TMEM132C: variants seen among roughly 807,000 people sequenced by gnomAD.
TMEM132C encodes protein phosphatase 1, regulatory subunit 152.
In TMEM132C, 29 loss-of-function variants were observed where a neutral mutation model predicts 61.4. The observed-to-expected ratio is 0.47, with a 90% CI of 0.35 to 0.64. The LOEUF is 0.64. Among genes scored for constraint, TMEM132C ranks in the 30% least tolerant of loss-of-function variants. TMEM132C has a pLI of 0.00. For missense variants in TMEM132C, 1,408 were observed against 1,476.9 expected (o/e 0.95, Z 0.76); for synonymous variants, 656 against 633.1 (o/e 1.04, Z -0.54).
At chr12:128,535,072 CT>C (rs1195538456) in intron 2 of TMEM132C, among the ~76,000 whole-genome samples, 2 of 152,200 alleles carry the variant, frequency 1.3e-5, no homozygotes, top group Non-Finnish European at 2.9e-5. Flanking sequence ...TCATTTCCTG[CT>C]AGGGGCAATG....
intron 1 of TMEM132C, among the ~76,000 whole-genome samples, chr12:128,299,596 G>A (rs1329319658): frequency 1.3e-5 from 2 of 152,198 alleles, no homozygotes; most frequent in African/African-American, 4.8e-5. Context: ...TTCCTCTCAA[G>A]CAATGGGAGA....
intron 4 of TMEM132C, among the ~76,000 whole-genome samples, chr12:128,651,887 A>AG (rs35866699): frequency 0.32 from 48,332 of 152,060 alleles, 8,301 homozygotes; most frequent in African/African-American, 0.44. Context: ...CAAGGGGTCC[A>AG]ATTCCACAGA....
intron 2 of TMEM132C, among the ~76,000 whole-genome samples, chr12:128,510,658 G>A (rs2136117767): frequency 6.6e-6 from 1 of 152,332 alleles, no homozygotes; most frequent in East Asian, 1.9e-4. Flanking sequence ...AGATGGACAT[G>A]AACCTGGTAA....
At chr12:128,651,076 C>T (rs1346305390) in intron 4 of TMEM132C, among the ~76,000 whole-genome samples, 1 of 152,210 alleles carries the variant, frequency 6.6e-6, no homozygotes, top group Non-Finnish European at 1.5e-5. Flanking sequence ...ATTTCTAAAT[C>T]CACCATTCCA....
intron 3 of TMEM132C, among the ~76,000 whole-genome samples, chr12:128,606,912 C>G (rs1473502200): frequency 6.6e-6 from 1 of 152,148 alleles, no homozygotes; most frequent in Non-Finnish European, 1.5e-5. Context: ...TGCTGGGGCT[C>G]ACCAGTAAAC....
At chr12:128,336,557 T>C (rs1055888037) in intron 1 of TMEM132C, among the ~76,000 whole-genome samples, 32 of 152,238 alleles carry the variant, frequency 2.1e-4, no homozygotes, top group African/African-American at 7.5e-4. Flanking sequence ...ATATCAAATA[T>C]GTATCATTTT....
Position 128,273,630 on chromosome 12 carries a change from A to T in TMEM132C, c.85+6143A>T, listed in dbSNP as rs370251835. Among the ~76,000 whole-genome samples, 35 of 152,038 alleles carry T rather than the reference A, an allele frequency of 2.3e-4. No homozygotes were observed. In the East Asian group the frequency reaches 5.0e-3, roughly 22 times the overall value. Reference sequence around the variant, plus strand: ...TGCTCTTTATTCTTCTTTCCCTACCAGCTTTTATATTGAGTATTTTCTATG... The same window carrying T: ...TGCTCTTTATTCTTCTTTCCCTACCTGCTTTTATATTGAGTATTTTCTATG... On this transcript the variant is annotated intron_variant, in intron 1 of 8. Coordinates refer to ENST00000435159, the MANE Select transcript of TMEM132C (RefSeq NM_001136103.3).
intron 2 of TMEM132C, among the ~76,000 whole-genome samples, chr12:128,518,656 T>C (rs917116143): frequency 6.6e-6 from 1 of 152,250 alleles, no homozygotes; most frequent in African/African-American, 2.4e-5. Flanking sequence ...ATACTTCTTT[T>C]GATCTTCAGC....
intron 4 of TMEM132C, among the ~76,000 whole-genome samples, chr12:128,618,614 T>G (rs747934796): frequency 3.3e-5 from 5 of 152,154 alleles, no homozygotes; most frequent in African/African-American, 4.8e-5. Flanking sequence ...GGAGGCAGTT[T>G]TCACCATACT....
chr12:128,585,047 A>G (rs1385291381), intron 3 of TMEM132C, among the ~76,000 whole-genome samples: 1 of 152,218 alleles, frequency 6.6e-6, no homozygotes, highest in African/African-American at 2.4e-5. Context: ...TCCAGGAGGC[A>G]TGCTTCACTG....
intron 2 of TMEM132C, among the ~76,000 whole-genome samples, chr12:128,489,129 G>C (rs896976915): frequency 2.0e-5 from 3 of 152,098 alleles, no homozygotes; most frequent in African/African-American, 4.8e-5. Flanking sequence ...CTCTGTCTCC[G>C]TTCCTTCTCC....
intron 4 of TMEM132C, among the ~76,000 whole-genome samples, chr12:128,646,526 TGTGA>T (rs1954200285): frequency 6.6e-6 from 1 of 150,936 alleles, no homozygotes. Context: ...CAGCGCTGGA[TGTGA>T]GTGTGTTTAC....
At chr12:128,393,589 C>A (rs1324730654) in intron 1 of TMEM132C, among the ~76,000 whole-genome samples, 2 of 152,194 alleles carry the variant, frequency 1.3e-5, no homozygotes, top group Non-Finnish European at 2.9e-5. Flanking sequence ...TCTTAGCTTT[C>A]TTCTGTGACA....
At chr12:128,383,876 A>G (rs966644446) in intron 1 of TMEM132C, among the ~76,000 whole-genome samples, 2 of 152,210 alleles carry the variant, frequency 1.3e-5, no homozygotes, top group African/African-American at 4.8e-5. Context: ...CAGTCCTTCC[A>G]TATCAGGATA....
chr12:128,402,958 C>T (rs1245144296), intron 1 of TMEM132C, among the ~76,000 whole-genome samples: 1 of 152,042 alleles, frequency 6.6e-6, no homozygotes, highest in Non-Finnish European at 1.5e-5. Flanking sequence ...TGGAGCGCTC[C>T]CAGAGAAAAG....
At chr12:128,332,600 C>G (rs1004877076) in intron 1 of TMEM132C, among the ~76,000 whole-genome samples, 1 of 152,250 alleles carries the variant, frequency 6.6e-6, no homozygotes, top group Non-Finnish European at 1.5e-5. Context: ...GGTTGCAACC[C>G]TCACAGCCGT....
chr12:128,499,297 A>G (rs920145898), intron 2 of TMEM132C, among the ~76,000 whole-genome samples: 2 of 152,326 alleles, frequency 1.3e-5, no homozygotes, highest in South Asian at 2.1e-4. Context: ...AATAGTGTAC[A>G]TATTTATGAG....
At chr12:128,397,886 T>C (rs976201202) in intron 1 of TMEM132C, among the ~76,000 whole-genome samples, 1 of 152,152 alleles carries the variant, frequency 6.6e-6, no homozygotes, top group Non-Finnish European at 1.5e-5. Flanking sequence ...ACGAGTTTGA[T>C]AAACACAGTT....
intron 5 of TMEM132C, among the ~76,000 whole-genome samples, chr12:128,671,612 A>G (rs567712870): frequency 2.0e-5 from 3 of 152,296 alleles, no homozygotes; most frequent in South Asian, 4.1e-4. Flanking sequence ...GATAAATGGC[A>G]TGGAAAAACA....
Sources: allele counts gnomAD v4.1 joint callset (sites outside exome capture counted in the v4.1 genomes callset), GRCh38; gene constraint gnomAD v4.1.1; transcripts MANE v1.5; gene names NCBI Gene and HGNC (gene_info 2026-07-23, HGNC 2026-07-21).